The following INF2 variants were observed in gnomAD, a reference collection of about 807,000 sequenced individuals.
The protein encoded by INF2 is inverted formin-2.
A neutral mutation model predicts 123.5 loss-of-function variants in INF2; 43 were observed. The ratio of observed to expected loss-of-function variants is 0.35; its 90% CI spans 0.27 to 0.45. The LOEUF (loss-of-function observed/expected upper bound fraction) is 0.45, where lower values mean the gene tolerates loss of function less well. INF2 is among the 20% of genes least tolerant of loss of function. The pLI is 1.00. For missense variants in INF2, 1,453 were observed against 1,682.7 expected (o/e 0.86, Z 2.39); for synonymous variants, 851 against 745.0 (o/e 1.14, Z -2.32).
At chr14:104,711,304 CAG>C in intron 15 of INF2, 118 bp downstream of exon 15, 1 of 893,368 alleles carries the variant, frequency 1.1e-6, no homozygotes. Flanking sequence ...CTCCCTGTCT[CAG>C]GGCTCCGTCT....
At position 104,714,407 on chromosome 14, in the gene INF2, C is replaced by G; in HGVS notation, c.3245C>G (p.Ala1082Gly). Residue 1082 changes from alanine to glycine, a missense_variant, in exon 21 of 23, where the codon GCC becomes GGC. By Grantham distance (60) the Ala-to-Gly change is moderately conservative. Around this residue, in one of 8 missense-constraint regions of INF2, gnomAD observed 344 missense variants for 333.1 expected, o/e 1.03. Coordinates refer to ENST00000392634, the MANE Select transcript of INF2 (RefSeq NM_022489.4). ...AGGCGTTCTTCCTGGTATGTGGATG[C>G]CAGCGATGTCCTAACCACTGAGGAT... Reference protein sequence around the residue: ...LERRSSWYVDASDVLTTEDPQ... With the variant: ...LERRSSWYVDGSDVLTTEDPQ... 1 of 1,604,764 alleles carries G rather than the reference C, an allele frequency of 6.2e-7. No homozygotes were observed. The highest frequency in any genetic ancestry group is 1.1e-5 in the South Asian group (1 of 89,970).
Position 104,711,708 on chromosome 14 carries a change from C to A in INF2, c.2489+9C>A. 1.2e-6 allele frequency: 2 copies of A among 1,611,516 alleles called. No individual in the cohort carries two copies. Among genetic ancestry groups the A allele is most frequent in the Non-Finnish European group, 1.7e-6 (2 of 1,179,134 alleles). On this transcript the variant is annotated intron_variant, in intron 16 of 22. Transcript: ENST00000392634. ...CCCTCGCAAGCAGCAGGGTAGGTAG[C>A]TCCTGCCAGCCCGCCCACCTCAGCC...
intron 22 of INF2, among the ~76,000 whole-genome samples, chr14:104,716,251 A>C (rs1334953260): frequency 1.3e-5 from 2 of 152,206 alleles, no homozygotes; most frequent in Non-Finnish European, 2.9e-5. Context: ...CAAGGTGCAC[A>C]CCTGAGGTCT....
intron 5 of INF2, 22 bp from the exon 6 acceptor site, chr14:104,706,013 C>T (rs1889764402): frequency 6.2e-7 from 1 of 1,603,284 alleles, no homozygotes; most frequent in African/African-American, 1.3e-5. Context: ...CAGGCTTAGC[C>T]CACCTGGCCC....
chr14:104,703,082 GC>G, intron 2 of INF2, 22 bp from the exon 3 acceptor site: 1 of 1,593,642 alleles, frequency 6.3e-7, no homozygotes, highest in Non-Finnish European at 8.6e-7. Flanking sequence ...GCCCTGCTGA[GC>G]CTGCCCACTC....
chr14:104,711,091 G>A lies in INF2; in HGVS notation c.2323G>A (p.Gly775Ser). The A allele has an allele frequency of 2.5e-6, 4 of 1,598,014 alleles. No homozygotes were observed. The highest frequency in any genetic ancestry group is 2.3e-5 in the East Asian group (1 of 43,214). ...CTGCCCCTCCCAGGGCAGCCACACC[G>A]GTGACGCCGACGGCTTCAAGATCAG... is the stretch of plus-strand genomic sequence containing the variant. ...GNFLNYGSHT[G>S]DADGFKISTL... Residue 775 changes from glycine to serine, a missense_variant, in exon 15 of 23, where the codon GGT becomes AGT. By Grantham distance (56) the Gly-to-Ser change is moderately conservative. Transcript: ENST00000392634.
chr14:104,689,505 A>T (rs888923634), upstream of INF2: 2 of 71,026 alleles, frequency 2.8e-5, no homozygotes, highest in East Asian at 7.9e-4. Flanking sequence ...ACCCCCAGCC[A>T]CCCACCTCCC....
Position 104,699,637 on chromosome 14 carries a change from C to A in INF2, c.-9-1720C>A. 1 of 975,146 alleles carries A rather than the reference C, an allele frequency of 1.0e-6. No individual in the cohort carries two copies. Among genetic ancestry groups the A allele is most frequent in the Middle Eastern group, 5.3e-4 (1 of 1,898 alleles). The allele number at this position is 975,146 out of a possible 1,614,324, so 60.4% of individuals were successfully genotyped here. ...CACTGGGTGACCAAGAGGGCCGGGCCTGGGAGGGTGGCTTAAAACCACAGT... is the reference window on the plus strand; with the variant it reads ...CACTGGGTGACCAAGAGGGCCGGGCATGGGAGGGTGGCTTAAAACCACAGT... On this transcript the variant is annotated intron_variant, in intron 1 of 22. Coordinates refer to ENST00000392634, the MANE Select transcript of INF2 (RefSeq NM_022489.4). The surrounding 1 kb of genome is among the most constrained non-coding windows in gnomAD (Gnocchi z 4.7).
chr14:104,710,146 A>C lies in INF2; in HGVS notation c.2197A>C (p.Met733Leu). The C allele has an allele frequency of 6.4e-7, 1 of 1,553,246 alleles. No individual in the cohort carries two copies. The highest frequency in any genetic ancestry group is 8.7e-7 in the Non-Finnish European group (1 of 1,149,142). The change falls in exon 13 of 23, where the codon ATG (methionine) becomes CTG (leucine). Residue 733 changes from methionine (M) to leucine (L), a missense_variant. This residue lies in a region of INF2 where 192 missense variants were observed against 274.4 expected (regional missense o/e 0.70). Coordinates refer to ENST00000392634, the MANE Select transcript of INF2 (RefSeq NM_022489.4). The stretch of plus-strand genomic sequence containing the variant: ...TGAGGGCGCGGCCGCCGTGCTGGAC[A>C]TGGTGCGGCCCAAGGCCCAGCTGGT... ...LCEGAAAVLD[M>L]VRPKAQLVLA...
chr14:104,709,852 C>T (rs1889961914), intron 12 of INF2, 147 bp downstream of exon 12: 1 of 757,684 alleles, frequency 1.3e-6, no homozygotes. Context: ...GGTTGGGCTT[C>T]TAAACATCAC....
chr14:104,696,381 C>T (rs1439166451), intron 1 of INF2, among the ~76,000 whole-genome samples: 1 of 152,236 alleles, frequency 6.6e-6, no homozygotes, highest in African/African-American at 2.4e-5. Flanking sequence ...GCCCAGTGCG[C>T]CCCATGCCCC....
chr14:104,710,577 T>A, intron 13 of INF2: 1 of 494,322 alleles, frequency 2.0e-6, no homozygotes, highest in Non-Finnish European at 3.7e-6. Flanking sequence ...CAGACACACG[T>A]ACACACCCCC....
chr14:104,708,364 C>T (rs1889882969), intron 8 of INF2, 72 bp from the exon 9 acceptor site: 2 of 1,581,816 alleles, frequency 1.3e-6, no homozygotes, highest in South Asian at 1.1e-5. Context: ...CTGGGAGGCT[C>T]CAGCCCCTGC....
At chr14:104,701,016 G>A (rs1595162877) in intron 1 of INF2, among the ~76,000 whole-genome samples, 5 of 152,236 alleles carry the variant, frequency 3.3e-5, no homozygotes, top group South Asian at 4.1e-4. Flanking sequence ...TCCTCCCCAA[G>A]CTCATCCGGT....
At chr14:104,695,371 A>G (rs1246485658) in intron 1 of INF2, among the ~76,000 whole-genome samples, 1 of 151,882 alleles carries the variant, frequency 6.6e-6, no homozygotes. Flanking sequence ...AGAACGCCAG[A>G]GGTGACCAGG....
rs1890442860 is a variant in INF2, at chr14:104,718,874, T to C, written c.*81T>C. ...GCCATTCTGCCAAGAGAGGCTCTTC[T>C]GGGGGCCAGGCTGGGACTGGGCCCC... On this transcript the variant is annotated 3_prime_UTR_variant, in exon 23 of 23. Coordinates refer to ENST00000392634, the MANE Select transcript of INF2 (RefSeq NM_022489.4). 15 of 1,600,504 alleles carry C rather than the reference T, an allele frequency of 9.4e-6. No homozygotes were observed. The Admixed American group carries it at 2.6e-4, about 28-fold the overall frequency.
intron 11 of INF2, 61 bp from the exon 12 acceptor site, chr14:104,709,559 C>T: frequency 6.7e-7 from 1 of 1,499,666 alleles, no homozygotes; most frequent in Non-Finnish European, 9.3e-7. Flanking sequence ...GCCCGGCGGG[C>T]AGTCCGGGAG....
intron 1 of INF2, among the ~76,000 whole-genome samples, chr14:104,695,054 C>T (rs905132298): frequency 2.8e-4 from 42 of 152,116 alleles, no homozygotes; most frequent in African/African-American, 8.9e-4. Flanking sequence ...ATGTCTGGTC[C>T]GGGGGGAGGA....
At chr14:104,706,277 A>T (rs1382898394) in intron 6 of INF2, 101 bp downstream of exon 6, 1 of 1,263,322 alleles carries the variant, frequency 7.9e-7, no homozygotes. Context: ...CCCTGGTCAG[A>T]CCCTGCTGTG....
Sources: allele counts gnomAD v4.1 joint callset (sites outside exome capture counted in the v4.1 genomes callset), GRCh38; gene constraint gnomAD v4.1.1; regional missense constraint gnomAD v4.1.1; non-coding constraint Gnocchi (gnomAD v3.1); transcripts MANE v1.5; gene names NCBI Gene and HGNC (gene_info 2026-07-23, HGNC 2026-07-21).